Variants in FOCAD observed in about 807,000 individuals in gnomAD.
The protein encoded by FOCAD is KIAA1797.
Under a neutral mutation model 225.6 loss-of-function variants are expected in FOCAD, and 198 were observed. That is an observed-to-expected ratio of 0.88 (90% CI 0.78 to 0.99). The LOEUF (loss-of-function observed/expected upper bound fraction) is 0.99, where lower values mean the gene tolerates loss of function less well. FOCAD is among the 50% of genes least tolerant of loss of function. The pLI, the probability that FOCAD is intolerant of heterozygous loss-of-function variation, is 0.00. For missense variants in FOCAD, 2,713 were observed against 2,123.6 expected (o/e 1.28, Z -5.46); for synonymous variants, 897 against 755.0 (o/e 1.19, Z -3.08).
At chr9:20,848,187 G>A (rs549790684) in intron 15 of FOCAD, among the ~76,000 whole-genome samples, 1 of 150,568 alleles carries the variant, frequency 6.6e-6, no homozygotes, top group African/African-American at 2.4e-5. Context: ...TGTATGCTTA[G>A]CTTCAAGAAA....
chr9:20,848,037 CTT>C (rs1827288030), intron 15 of FOCAD, among the ~76,000 whole-genome samples: 1 of 151,948 alleles, frequency 6.6e-6, no homozygotes, highest in Admixed American at 6.6e-5. Context: ...TAAGGGAAAA[CTT>C]TCTCTCTGCT....
At chr9:20,757,595 C>A (rs929501074) in intron 5 of FOCAD, among the ~76,000 whole-genome samples, 2 of 151,988 alleles carry the variant, frequency 1.3e-5, no homozygotes, top group Non-Finnish European at 2.9e-5. Flanking sequence ...GCTGGGGAAG[C>A]GCAGAACCAT....
upstream of FOCAD, among the ~76,000 whole-genome samples, chr9:20,682,932 C>T (rs937740109): frequency 2.0e-5 from 3 of 152,102 alleles, no homozygotes; most frequent in Non-Finnish European, 2.9e-5. Context: ...CGCAACCCCA[C>T]GCCGGGCTAA....
chr9:20,693,717 T>A (rs1392650741), intron 1 of FOCAD, among the ~76,000 whole-genome samples: 3 of 152,172 alleles, frequency 2.0e-5, no homozygotes, highest in Non-Finnish European at 4.4e-5. Flanking sequence ...TTTATTTATT[T>A]ATTTATTTAT....
chr9:20,929,515 C>T lies in FOCAD; in HGVS notation c.3236C>T (p.Ala1079Val). The change falls in exon 27 of 44, where the codon GCT (alanine) becomes GTT (valine). Residue 1079 changes from alanine (A) to valine (V), a missense_variant. Transcript: ENST00000338382. The stretch of plus-strand genomic sequence containing the variant: ...GCCAGGTTACCTGGGAAACCAAGTG[C>T]TGATGAGTCTCAAGCCGTGCAAATC... ...LTARLPGKPS[A>V]DESQAVQIHM... 6.2e-7 allele frequency: 1 copy of T among 1,614,154 alleles called. No homozygotes were observed. Among genetic ancestry groups the T allele is most frequent in the Non-Finnish European group, 8.5e-7 (1 of 1,180,028 alleles).
At chr9:20,882,149 G>GT in intron 20 of FOCAD, 93 bp downstream of exon 20, 1 of 1,075,860 alleles carries the variant, frequency 9.3e-7, no homozygotes, top group Non-Finnish European at 1.4e-6. Flanking sequence ...ATGGCAGGGT[G>GT]TTGCTGCTGC....
chr9:20,907,758 A>C (rs886522938), intron 22 of FOCAD, among the ~76,000 whole-genome samples: 7 of 151,812 alleles, frequency 4.6e-5, no homozygotes, highest in African/African-American at 1.7e-4. Flanking sequence ...CTCTTTACCC[A>C]CCTAATTTTA....
At chr9:20,680,520 A>T (rs1822370360), upstream of FOCAD, among the ~76,000 whole-genome samples, 3 of 152,100 alleles carry the variant, frequency 2.0e-5, no homozygotes, top group South Asian at 6.2e-4. Context: ...GCGTCATTGC[A>T]CTCCAGCCTG....
intron 4 of FOCAD, among the ~76,000 whole-genome samples, chr9:20,726,896 A>T (rs1826241513): frequency 6.6e-6 from 1 of 151,962 alleles, no homozygotes; most frequent in Non-Finnish European, 1.5e-5. Flanking sequence ...TCTTTATTTT[A>T]TTTGGCAGGA....
chr9:20,792,475 A>G (rs760930849), intron 11 of FOCAD, among the ~76,000 whole-genome samples: 3 of 152,218 alleles, frequency 2.0e-5, no homozygotes, highest in African/African-American at 7.2e-5. Context: ...ACGTATCCCC[A>G]TTGATGAGTT....
chr9:20,745,114 A>AT (rs35957143), intron 5 of FOCAD, among the ~76,000 whole-genome samples: 45,697 of 146,318 alleles, frequency 0.31, 7,797 homozygotes, highest in Non-Finnish European at 0.39. Flanking sequence ...TTATTTAAAC[A>AT]TTTTTTTTTT....
intron 18 of FOCAD, among the ~76,000 whole-genome samples, chr9:20,869,272 T>C (rs968636495): frequency 6.6e-6 from 1 of 152,124 alleles, no homozygotes; most frequent in Non-Finnish European, 1.5e-5. Context: ...GTGTCCATAT[T>C]CTCTCTTCTT....
chr9:20,658,133 G>A (rs1156359290), upstream of FOCAD, among the ~76,000 whole-genome samples: 190 of 151,280 alleles, frequency 1.3e-3, no homozygotes, highest in Middle Eastern at 3.4e-3. Flanking sequence ...CAGTCTGCCC[G>A]TTCTCAGATC....
intron 7 of FOCAD, among the ~76,000 whole-genome samples, chr9:20,768,925 T>TA (rs1817884328): frequency 6.6e-6 from 1 of 152,176 alleles, no homozygotes; most frequent in Non-Finnish European, 1.5e-5. Flanking sequence ...TGTTAAAGAT[T>TA]AGAGAGCCTT....
chr9:20,878,013 C>CA (rs1460638544), intron 19 of FOCAD, among the ~76,000 whole-genome samples: 3 of 152,066 alleles, frequency 2.0e-5, no homozygotes, highest in Admixed American at 1.3e-4. Context: ...TGCAGATATA[C>CA]AAAAATGACA....
intron 22 of FOCAD, among the ~76,000 whole-genome samples, chr9:20,908,618 C>T (rs1833178060): frequency 6.6e-6 from 1 of 151,974 alleles, no homozygotes; most frequent in Admixed American, 6.6e-5. Context: ...TTTTCTTTTG[C>T]TTGTTGTTTC....
At chr9:20,742,560 T>A (rs1827722511) in intron 5 of FOCAD, among the ~76,000 whole-genome samples, 1 of 152,212 alleles carries the variant, frequency 6.6e-6, no homozygotes, top group Non-Finnish European at 1.5e-5. Flanking sequence ...GAGTCAGAAC[T>A]GCATTTTAGA....
At chr9:20,836,733 T>C in intron 15 of FOCAD, among the ~76,000 whole-genome samples, 1 of 152,218 alleles carries the variant, frequency 6.6e-6, no homozygotes, top group South Asian at 2.1e-4. Context: ...GTATGGTTTT[T>C]CATTATCAAA....
intron 35 of FOCAD, among the ~76,000 whole-genome samples, chr9:20,956,353 A>C (rs1391168546): frequency 6.6e-6 from 1 of 152,136 alleles, no homozygotes; most frequent in African/African-American, 2.4e-5. Flanking sequence ...TACCTGTACA[A>C]CTCTTTAAAA....
Sources: gnomAD v4.1 joint callset for allele counts (sites outside exome capture counted in the v4.1 genomes callset) on GRCh38, gnomAD v4.1.1 for gene constraint, MANE v1.5 for transcripts, NCBI Gene and HGNC (gene_info 2026-07-23, HGNC 2026-07-21) for gene names.